SELENOF: variants seen among roughly 807,000 people sequenced by gnomAD.
SELENOF encodes the protein selenoprotein F.
A neutral mutation model predicts 20.5 loss-of-function variants in SELENOF; 16 were observed. The observed-to-expected ratio is 0.78, with a 90% CI of 0.53 to 1.19. The LOEUF is 1.19. Ranked by LOEUF, SELENOF falls within the 50% of genes most tolerant of loss-of-function variation. SELENOF has a pLI of 0.00. For synonymous variants in SELENOF, 78 were observed against 74.5 expected (o/e 1.05, Z -0.24); for missense variants, 215 against 194.2 (o/e 1.11, Z -0.64).
intron 2 of SELENOF, among the ~76,000 whole-genome samples, chr1:86,898,247 G>C (rs1039716048): frequency 6.6e-6 from 1 of 152,158 alleles, no homozygotes; most frequent in African/African-American, 2.4e-5. Flanking sequence ...GCTTGTATTT[G>C]AGACGCTGAG....
At chr1:86,891,196 T>C (rs1161180334) in intron 2 of SELENOF, among the ~76,000 whole-genome samples, 1 of 152,086 alleles carries the variant, frequency 6.6e-6, no homozygotes, top group African/African-American at 2.4e-5. Context: ...GTTACAGGCA[T>C]GTGCCACCAC....
At chr1:86,909,402 C>A (rs1659919385) in intron 1 of SELENOF, among the ~76,000 whole-genome samples, 1 of 152,134 alleles carries the variant, frequency 6.6e-6, no homozygotes, top group South Asian at 2.1e-4. Context: ...TTTTCTGAGT[C>A]ATTTTTGTAT....
upstream of SELENOF, chr1:86,914,213 T>C (rs1420240997): frequency 2.0e-6 from 2 of 1,000,064 alleles, no homozygotes; most frequent in Non-Finnish European, 3.2e-6. Context: ...CCCTTACATC[T>C]CTCATTTGGA....
At chr1:86,869,042 C>A (rs370231532) in intron 3 of SELENOF, among the ~76,000 whole-genome samples, 6 of 152,134 alleles carry the variant, frequency 3.9e-5, no homozygotes, top group Admixed American at 6.5e-5. Flanking sequence ...AATGCCATAA[C>A]AATGAGGTAC....
chr1:86,894,498 T>C (rs1659470679), intron 2 of SELENOF, among the ~76,000 whole-genome samples: 2 of 152,156 alleles, frequency 1.3e-5, no homozygotes, highest in Admixed American at 6.6e-5. Context: ...GACTTTAAAA[T>C]ATGAGTCTCC....
intron 1 of SELENOF, among the ~76,000 whole-genome samples, chr1:86,904,699 T>C (rs1180997059): frequency 6.6e-6 from 1 of 152,208 alleles, no homozygotes; most frequent in African/African-American, 2.4e-5. Context: ...AACTCATTAA[T>C]ATAGCCTGGT....
intron 3 of SELENOF, among the ~76,000 whole-genome samples, chr1:86,873,727 C>T (rs991780831): frequency 3.9e-5 from 6 of 152,018 alleles, no homozygotes; most frequent in East Asian, 1.9e-4. Flanking sequence ...TGGTGCATGC[C>T]TGTAATCCCA....
chr1:86,896,261 A>C (rs1455741178), intron 2 of SELENOF, among the ~76,000 whole-genome samples: 1 of 109,686 alleles, frequency 9.1e-6, no homozygotes. Flanking sequence ...AGAGGGGGGG[A>C]GGGGGAGGGG....
At chr1:86,909,330 C>T (rs1371281173) in intron 1 of SELENOF, among the ~76,000 whole-genome samples, 2 of 152,194 alleles carry the variant, frequency 1.3e-5, no homozygotes, top group South Asian at 2.1e-4. Context: ...ACAGAAGAGA[C>T]ATGAATAAAC....
At chr1:86,903,606 AT>A (rs894365010) in intron 1 of SELENOF, among the ~76,000 whole-genome samples, 158 bp from the exon 2 acceptor site, 7 of 151,410 alleles carry the variant, frequency 4.6e-5, no homozygotes, top group African/African-American at 2.4e-5. Flanking sequence ...ATTTAATTTT[AT>A]TTTTTTTTGA....
At chr1:86,907,487 G>A (rs1659860528) in intron 1 of SELENOF, among the ~76,000 whole-genome samples, 1 of 152,138 alleles carries the variant, frequency 6.6e-6, no homozygotes, top group African/African-American at 2.4e-5. Context: ...ACAGATAAAT[G>A]CTAATATATG....
intron 2 of SELENOF, among the ~76,000 whole-genome samples, chr1:86,882,334 G>T (rs1308638883): frequency 6.6e-6 from 1 of 150,922 alleles, no homozygotes. Context: ...AAAAGATATG[G>T]CTAATCTTGG....
At chr1:86,869,741 TTTTCTTTC>T (rs558513544) in intron 3 of SELENOF, among the ~76,000 whole-genome samples, 6 of 151,852 alleles carry the variant, frequency 4.0e-5, no homozygotes, top group African/African-American at 9.7e-5. Context: ...CTTTCTTTTC[TTTTCTTTC>T]TTTCTTTCTT....
At chr1:86,890,813 G>A (rs142873022) in intron 2 of SELENOF, among the ~76,000 whole-genome samples, 3,508 of 151,928 alleles carry the variant, frequency 0.023, 60 homozygotes, top group Middle Eastern at 0.041. Context: ...CCTGGCCTAC[G>A]CATTAATATT....
chr1:86,874,402 G>C (rs1275147891), intron 3 of SELENOF, among the ~76,000 whole-genome samples: 2 of 152,122 alleles, frequency 1.3e-5, no homozygotes, highest in Non-Finnish European at 2.9e-5. Flanking sequence ...AAACAGAAGT[G>C]ATTTAAAGAC....
chr1:86,863,528 T>C lies in SELENOF; in HGVS notation c.444A>G (p.Lys148=), dbSNP rs753328653. ...ATTCTTCTACACTGTCTGTGTTCCA[T>C]TTGAGAATGCTCAGTTCTTCAGCAA... ...GNIAEELSIL[K]WNTDSVEEFL... is the part of the protein sequence containing the mutation. The change falls in exon 5 of 5, where the codon AAA becomes AAG. Residue 148 remains lysine (K), a synonymous_variant. Transcript: ENST00000331835. The C allele has an allele frequency of 3.6e-5, 58 of 1,613,588 alleles. No homozygotes were observed. The highest frequency in any genetic ancestry group is 4.6e-5 in the Non-Finnish European group (54 of 1,179,694).
intron 2 of SELENOF, among the ~76,000 whole-genome samples, chr1:86,902,456 C>T (rs1016704468): frequency 6.6e-6 from 1 of 152,180 alleles, no homozygotes; most frequent in Non-Finnish European, 1.5e-5. Context: ...AATAATAACA[C>T]ATCATTATGC....
chr1:86,866,230 CTG>C (rs60714256), intron 4 of SELENOF, among the ~76,000 whole-genome samples: 8,896 of 113,458 alleles, frequency 0.078, 617 homozygotes, highest in African/African-American at 0.2. Context: ...GTGTGTGTCT[CTG>C]TGTGTGTGTG....
intron 2 of SELENOF, among the ~76,000 whole-genome samples, chr1:86,884,346 T>TACACAC (rs142756978): frequency 2.2e-3 from 315 of 145,548 alleles, no homozygotes; most frequent in Non-Finnish European, 3.0e-3. Flanking sequence ...CGCACATACA[T>TACACAC]ACACACACAC....
Sources: gnomAD v4.1 joint callset for allele counts (sites outside exome capture counted in the v4.1 genomes callset) on GRCh38, gnomAD v4.1.1 for gene constraint, MANE v1.5 for transcripts, NCBI Gene and HGNC (gene_info 2026-07-23, HGNC 2026-07-21) for gene names.